The following NTNG2 variants were observed in gnomAD, a reference collection of about 807,000 sequenced individuals.
NTNG2 encodes netrin G2, also known as netrin-G2.
NTNG2 carries 15 observed loss-of-function variants against 47.6 expected under a neutral mutation model. The observed-to-expected ratio is 0.32, with a 90% CI of 0.21 to 0.49. The LOEUF (loss-of-function observed/expected upper bound fraction) is 0.49. Among genes scored for constraint, NTNG2 ranks in the 20% least tolerant of loss-of-function variants. NTNG2 has a pLI of 0.99. For synonymous variants in NTNG2, 307 were observed against 324.6 expected (o/e 0.95, Z 0.58); for missense variants, 578 against 764.6 (o/e 0.76, Z 2.88).
At chr9:132,187,490 A>C (rs936742050) in intron 2 of NTNG2, among the ~76,000 whole-genome samples, 2 of 152,082 alleles carry the variant, frequency 1.3e-5, no homozygotes, top group African/African-American at 4.8e-5. Context: ...AATTAGCAGC[A>C]CAGAGAGCAA....
chr9:132,207,202 A>G (rs1299451056), intron 3 of NTNG2, among the ~76,000 whole-genome samples: 2 of 152,254 alleles, frequency 1.3e-5, no homozygotes, highest in East Asian at 1.9e-4. Flanking sequence ...CAGACCTTGC[A>G]GGGATGAATT....
rs1279893374 is a variant in NTNG2, at chr9:132,218,977, T to A, written c.858-7872T>A. Among the ~76,000 whole-genome samples the A allele has an allele frequency of 6.6e-6, 1 of 152,200 alleles. No homozygotes were observed. Among genetic ancestry groups the A allele is most frequent in the Non-Finnish European group, 1.5e-5 (1 of 68,044 alleles). On this transcript the variant is annotated intron_variant, in intron 3 of 7. Coordinates refer to ENST00000393229, the MANE Select transcript of NTNG2 (RefSeq NM_032536.4). The surrounding 1 kb of genome is among the most constrained non-coding windows in gnomAD (Gnocchi z 5.4). ...TTGTACAATCCACACATGTAAAGCGTACAATTCAGTCGCTTTTAGGTTATT... is the reference window on the plus strand; with the variant it reads ...TTGTACAATCCACACATGTAAAGCGAACAATTCAGTCGCTTTTAGGTTATT...
chr9:132,175,907 C>T (rs143941243), intron 2 of NTNG2, among the ~76,000 whole-genome samples: 2 of 152,280 alleles, frequency 1.3e-5, no homozygotes, highest in East Asian at 1.9e-4. Flanking sequence ...TGGTCAGAGA[C>T]AAAACCACAC....
rs114715382 is a variant in NTNG2 at position 132,171,082 on chromosome 9, T to C, written c.213+4038T>C. Among the ~76,000 whole-genome samples, 512 of 152,144 alleles carry C rather than the reference T, an allele frequency of 3.4e-3. 3 individuals carry two copies. Among genetic ancestry groups the C allele is most frequent in the African/African-American group, 0.012 (485 of 41,518 alleles). ...GGAGCTGGGAGCCGAGATTCCCAGA[T>C]GCGGGCCTTGCTTGCCAAGGCGGGG... On this transcript the variant is annotated intron_variant, in intron 2 of 7. Coordinates refer to ENST00000393229, the MANE Select transcript of NTNG2 (RefSeq NM_032536.4).
chr9:132,206,331 G>A (rs551894708), intron 3 of NTNG2, among the ~76,000 whole-genome samples: 11 of 152,318 alleles, frequency 7.2e-5, no homozygotes, highest in Non-Finnish European at 1.5e-4. Flanking sequence ...TATTTGGAGA[G>A]TCCCTGGAAA....
chr9:132,197,850 C>T lies in NTNG2; in HGVS notation c.214-116C>T, dbSNP rs1262738026. ...GTGTCTGGGCACCGGAGCACAGGCCCTGTAGCCACAGAGCAGGTTTCTCGG... is the reference window on the plus strand; with the variant it reads ...GTGTCTGGGCACCGGAGCACAGGCCTTGTAGCCACAGAGCAGGTTTCTCGG... On this transcript the variant is annotated intron_variant, in intron 2 of 7. Transcript: ENST00000393229. The surrounding 1 kb of genome is among the most constrained non-coding windows in gnomAD (Gnocchi z 4.3). 44 of 977,246 alleles carry T rather than the reference C, an allele frequency of 4.5e-5. No homozygotes were observed. The highest frequency in any genetic ancestry group is 6.4e-5 in the Non-Finnish European group (43 of 673,108). 60.5% of individuals were successfully genotyped at this position (977,246 alleles called of 1,614,324 possible).
rs1836423373 is a variant in NTNG2, at chr9:132,176,069, G to C, written c.213+9025G>C. 2.0e-5 allele frequency among the ~76,000 whole-genome samples: 3 copies of C among 152,016 alleles called. No homozygotes were observed. In the South Asian group the frequency reaches 6.2e-4, roughly 32 times the overall value. On this transcript the variant is annotated intron_variant, in intron 2 of 7. Coordinates refer to ENST00000393229, the MANE Select transcript of NTNG2 (RefSeq NM_032536.4). ...AATTAACCAGTTAAACAACGTTTTG[G>C]TGGGTGCAGTGGCTCACACCTATAA...
intron 7 of NTNG2, 39 bp downstream of exon 7, chr9:132,241,083 A>G: frequency 6.4e-7 from 1 of 1,554,530 alleles, no homozygotes; most frequent in Non-Finnish European, 8.6e-7. Flanking sequence ...GGCCTGCGGA[A>G]AGGGGACGGG....
intron 2 of NTNG2, among the ~76,000 whole-genome samples, chr9:132,178,919 G>A (rs1281144294): frequency 2.1e-5 from 3 of 141,248 alleles, no homozygotes; most frequent in Non-Finnish European, 4.5e-5. Flanking sequence ...CCGAGACTGT[G>A]CCACTGCACT....
intron 2 of NTNG2, among the ~76,000 whole-genome samples, chr9:132,175,919 A>C (rs890306037): frequency 6.6e-6 from 1 of 152,180 alleles, no homozygotes; most frequent in Non-Finnish European, 1.5e-5. Context: ...AAACCACACA[A>C]AACAGTGGAC....
In NTNG2 at chr9:132,211,931, G is replaced by T. The variant is rs374946207; in HGVS notation, c.857+13322G>T. Among the ~76,000 whole-genome samples the T allele has an allele frequency of 9.9e-5, 15 of 152,256 alleles. No homozygotes were observed. The East Asian group carries it at 2.1e-3, about 22-fold the overall frequency. On this transcript the variant is annotated intron_variant, in intron 3 of 7. Transcript: ENST00000393229. ...TGTGTGGAATTCATTCATTCATTCAGTCAGTCAGTCATTCATTTATTCATT... is the reference window on the plus strand; with the variant it reads ...TGTGTGGAATTCATTCATTCATTCATTCAGTCAGTCATTCATTTATTCATT...
At chr9:132,188,033 G>C (rs1837538001) in intron 2 of NTNG2, among the ~76,000 whole-genome samples, 1 of 152,238 alleles carries the variant, frequency 6.6e-6, no homozygotes. Flanking sequence ...CACGGGTCAG[G>C]GCACCTATTG....
intron 5 of NTNG2, chr9:132,233,176 T>G (rs990073938): frequency 6.6e-6 from 1 of 152,272 alleles, no homozygotes; most frequent in Non-Finnish European, 1.5e-5. Flanking sequence ...GAGCCTGTGG[T>G]GGGCAGACAG....
chr9:132,211,779 C>T (rs565392864), intron 3 of NTNG2, among the ~76,000 whole-genome samples: 7 of 152,300 alleles, frequency 4.6e-5, no homozygotes, highest in African/African-American at 1.7e-4. Context: ...GCCATAGCTA[C>T]CATAGCTATG....
chr9:132,219,223 A>AC (rs571712539), intron 3 of NTNG2, among the ~76,000 whole-genome samples: 1 of 151,220 alleles, frequency 6.6e-6, no homozygotes, highest in East Asian at 1.9e-4. Flanking sequence ...CTCAAAACAA[A>AC]AAAAAAAAAG....
intron 3 of NTNG2, among the ~76,000 whole-genome samples, chr9:132,207,366 C>A (rs944059519): frequency 1.3e-5 from 2 of 152,190 alleles, no homozygotes; most frequent in Non-Finnish European, 2.9e-5. Context: ...CTCCGCCCTC[C>A]GCTCGCTCCT....
rs183013001 is a variant in NTNG2 at position 132,221,973 on chromosome 9, G to A, written c.858-4876G>A. On this transcript the variant is annotated intron_variant, in intron 3 of 7. Coordinates refer to ENST00000393229, the MANE Select transcript of NTNG2 (RefSeq NM_032536.4). The surrounding 1 kb of genome is among the most constrained non-coding windows in gnomAD (Gnocchi z 4.2). ...TATCCCTTCCTCAGGCCAGCAGTGC[G>A]GAGCACAGCCCCGGTTCCGTACAGC... Among the ~76,000 whole-genome samples the A allele has an allele frequency of 1.1e-3, 174 of 152,340 alleles. 2 individuals are homozygous for A. In the East Asian group the frequency reaches 0.031, roughly 27 times the overall value.
At position 132,241,971 on chromosome 9, in the gene NTNG2, C is replaced by T; in HGVS notation, c.1453C>T (p.Arg485Cys). 2.0e-6 allele frequency: 3 copies of T among 1,533,612 alleles called. No homozygotes were observed. The highest frequency in any genetic ancestry group is 2.6e-6 in the Non-Finnish European group (3 of 1,149,316). Residue 485 changes from arginine (R) to cysteine (C), a missense_variant, in exon 8 of 8, where the codon CGC becomes TGC. By Grantham distance (180) the Arg-to-Cys change is radical. Coordinates refer to ENST00000393229, the MANE Select transcript of NTNG2 (RefSeq NM_032536.4). ...CTGCCCGCGCGGCTACACCGGCGTG[C>T]GCTGCGAGCAGCCCCGCTGCGACCC... ...CACPRGYTGV[R>C]CEQPRCDPAD...
At chr9:132,239,001 C>A (rs778772173) in intron 5 of NTNG2, 103 bp from the exon 6 acceptor site, 4 of 1,213,410 alleles carry the variant, frequency 3.3e-6, no homozygotes, top group Non-Finnish European at 4.8e-6. Flanking sequence ...AAGATGCCTT[C>A]CTCCGTCCCT....
Sources: gnomAD v4.1 joint callset for allele counts (sites outside exome capture counted in the v4.1 genomes callset) on GRCh38, gnomAD v4.1.1 for gene constraint, Gnocchi (gnomAD v3.1) non-coding constraint, MANE v1.5 for transcripts, NCBI Gene and HGNC (gene_info 2026-07-23, HGNC 2026-07-21) for gene names.